The following VWA3A variants were observed in gnomAD, a reference collection of about 807,000 sequenced individuals.
VWA3A encodes the protein von Willebrand factor A domain-containing protein 3A.
Under a neutral mutation model 160.4 loss-of-function variants are expected in VWA3A, and 134 were observed. The ratio of observed to expected loss-of-function variants is 0.84; its 90% CI spans 0.73 to 0.96. VWA3A has a LOEUF of 0.96. VWA3A is among the 40% of genes least tolerant of loss of function. The probability of loss-of-function intolerance (pLI) is 0.00; values close to 1 mark genes in which losing one functional copy is unlikely to be tolerated. For missense variants in VWA3A, 1,310 were observed against 1,447.9 expected, an observed-to-expected ratio of 0.90 and a Z score of 1.55; for synonymous variants, 476 against 543.4, an observed-to-expected ratio of 0.88 and a Z score of 1.72.
intron 31 of VWA3A, among the ~76,000 whole-genome samples, chr16:22,153,318 G>C (rs1230399588): frequency 1.3e-5 from 2 of 152,224 alleles, no homozygotes; most frequent in Non-Finnish European, 2.9e-5. Context: ...ACTTCAGCCT[G>C]AGTGTCAGAG....
chr16:22,150,618 CT>C, intron 29 of VWA3A, 76 bp from the exon 30 acceptor site: 1 of 1,490,370 alleles, frequency 6.7e-7, no homozygotes, highest in South Asian at 1.4e-5. Context: ...GCAGCAGGCA[CT>C]ACCTTTAGGC....
intron 9 of VWA3A, among the ~76,000 whole-genome samples, chr16:22,115,848 A>G (rs1475574890): frequency 5.8e-4 from 2 of 3,422 alleles, no homozygotes; most frequent in Non-Finnish European, 1.0e-3. Context: ...GAAGGAAGGA[A>G]GGAAGGAAGG....
At position 22,146,345 on chromosome 16, in the gene VWA3A, G is replaced by A; in HGVS notation, c.2839+1G>A. On this transcript the variant is annotated splice_donor_variant, in intron 27 of 33. Coordinates refer to ENST00000389398, the MANE Select transcript of VWA3A (RefSeq NM_173615.5). LOFTEE classifies it high-confidence loss of function. ...CAGAGGCTGCAGTGGCTGCTGTCCG[G>A]TGAGCCTGCCCACTGCCCTGAAGGG... is the stretch of plus-strand genomic sequence containing the variant. 1 of 1,611,976 alleles carries A rather than the reference G, an allele frequency of 6.2e-7. No homozygotes were observed. The highest frequency in any genetic ancestry group is 1.7e-4 in the Middle Eastern group (1 of 5,990).
intron 16 of VWA3A, among the ~76,000 whole-genome samples, chr16:22,124,154 G>A (rs1022158080): frequency 6.3e-5 from 9 of 141,896 alleles, no homozygotes; most frequent in African/African-American, 1.1e-4. Flanking sequence ...GTACTCAAGC[G>A]TGGGCAACAG....
intron 6 of VWA3A, 87 bp from the exon 7 acceptor site, chr16:22,109,391 GTGTT>G: frequency 1.9e-6 from 2 of 1,064,502 alleles, no homozygotes; most frequent in Non-Finnish European, 2.8e-6. Flanking sequence ...GGTGAGGAAA[GTGTT>G]TGCATCACTG....
In VWA3A at chr16:22,113,608, T is replaced by C. The variant is rs368606041; in HGVS notation, c.690-1739T>C. On this transcript the variant is annotated intron_variant, in intron 8 of 33. Transcript: ENST00000389398. The stretch of plus-strand genomic sequence containing the variant: ...ACTTTTTTGTTTGTTTGTTGTTTTT[T>C]GTTTTTTTGAGACAAGGTCTTGCTC... Among the ~76,000 whole-genome samples, 37 of 151,972 alleles carry C rather than the reference T, an allele frequency of 2.4e-4. No homozygotes were observed. The East Asian group carries it at 4.3e-3, about 17-fold the overall frequency.
intron 11 of VWA3A, 111 bp downstream of exon 11, chr16:22,117,287 C>G (rs2045665291): frequency 2.6e-6 from 3 of 1,146,522 alleles, no homozygotes; most frequent in Non-Finnish European, 3.7e-6. Flanking sequence ...TTCTCCTTTT[C>G]TCCTTGTCCC....
At position 22,123,579 on chromosome 16, in the gene VWA3A, G is replaced by T. The variant is rs750161659; in HGVS notation, c.1438-34G>T. On this transcript the variant is annotated intron_variant, in intron 15 of 33. Coordinates refer to ENST00000389398, the MANE Select transcript of VWA3A (RefSeq NM_173615.5). Reference sequence around the variant, plus strand: ...CAGGCCCCTTGGTTGCTCAGCCTTTGAGCAGCCGCTCACTGTGGCCCACAC... The same window carrying T: ...CAGGCCCCTTGGTTGCTCAGCCTTTTAGCAGCCGCTCACTGTGGCCCACAC... 6.2e-6 allele frequency: 10 copies of T among 1,613,734 alleles called. No homozygotes were observed. In the South Asian group the frequency reaches 9.9e-5, roughly 16 times the overall value.
Position 22,096,839 on chromosome 16 carries a change from GGT to G in VWA3A, c.15-19_15-18del, listed in dbSNP as rs763478100. On this transcript the variant is annotated intron_variant, in intron 1 of 33. Transcript: ENST00000389398. Reference sequence around the variant, plus strand: ...GTATGCCACATTTATCCTGTTTTCTGGTATTCTTTTCTTCTTTAGGAAAATAA... The same window carrying G: ...GTATGCCACATTTATCCTGTTTTCTGATTCTTTTCTTCTTTAGGAAAATAA... 6.8e-7 allele frequency: 1 copy of G among 1,465,082 alleles called. No homozygotes were observed. Among genetic ancestry groups the G allele is most frequent in the Non-Finnish European group, 9.4e-7 (1 of 1,069,048 alleles). 90.8% of individuals were successfully genotyped at this position (1,465,082 alleles called of 1,614,324 possible). A position where few individuals can be genotyped will look rare whatever the true frequency, so the allele number is the denominator to read the frequency against.
At chr16:22,150,554 C>T in intron 29 of VWA3A, 141 bp from the exon 30 acceptor site, 1 of 1,002,470 alleles carries the variant, frequency 1.0e-6, no homozygotes, top group Non-Finnish European at 1.4e-6. Context: ...AAGAGAATCT[C>T]AGTCTTTTTG....
intron 7 of VWA3A, 46 bp downstream of exon 7, chr16:22,109,626 C>T (rs777928480): frequency 1.3e-6 from 2 of 1,525,536 alleles, no homozygotes; most frequent in Non-Finnish European, 1.8e-6. Context: ...ACCCACTACC[C>T]CCAGCCTTTC....
In VWA3A at chr16:22,131,691, A is replaced by G. The variant is rs1424373924; in HGVS notation, c.1834A>G (p.Ile612Val). 1 of 1,613,980 alleles carries G rather than the reference A, an allele frequency of 6.2e-7. No homozygotes were observed. The highest frequency in any genetic ancestry group is 2.2e-5 in the East Asian group (1 of 44,872). The part of the protein sequence containing the change: ...KDKDKHQSQG[I>V]YLFTGGIPDQ... The stretch of plus-strand genomic sequence containing the variant: ...CAAAGACAAACACCAATCGCAGGGA[A>G]TCTACCTCTTCACTGGGGGCATCCC... Residue 612 changes from isoleucine to valine, a missense_variant, in exon 19 of 34, where the codon ATC becomes GTC. Physicochemically the swap from Ile to Val is conservative, Grantham distance 29. Coordinates refer to ENST00000389398, the MANE Select transcript of VWA3A (RefSeq NM_173615.5).
rs569110678 is a variant in VWA3A, at chr16:22,109,647, T to C, written c.582+67T>C. 4.3e-6 allele frequency: 6 copies of C among 1,410,442 alleles called. No individual in the cohort carries two copies. The African/African-American group carries it at 7.1e-5, about 17-fold the overall frequency. The allele number at this position is 1,410,442 out of a possible 1,614,324, so 87.4% of individuals were successfully genotyped here. On this transcript the variant is annotated intron_variant, in intron 7 of 33. Coordinates refer to ENST00000389398, the MANE Select transcript of VWA3A (RefSeq NM_173615.5). ...TACCCCCAGCCTTTCCTTCCTGAGC[T>C]TGCTGACGAGCTTGTTTATAGCAAA...
chr16:22,151,614 A>G (rs1567228484), intron 30 of VWA3A, among the ~76,000 whole-genome samples: 3 of 152,030 alleles, frequency 2.0e-5, no homozygotes, highest in Non-Finnish European at 4.4e-5. Context: ...GCTCATGCCT[A>G]TAATCCCAGT....
intron 6 of VWA3A, among the ~76,000 whole-genome samples, chr16:22,106,247 T>A (rs1231188060): frequency 6.6e-6 from 1 of 151,690 alleles, no homozygotes; most frequent in Non-Finnish European, 1.5e-5. Flanking sequence ...TAGCCAGGCG[T>A]GGTGATGGGC....
chr16:22,151,691 G>C (rs1249588429), intron 30 of VWA3A, among the ~76,000 whole-genome samples: 1 of 151,810 alleles, frequency 6.6e-6, no homozygotes, highest in Non-Finnish European at 1.5e-5. Context: ...GGATATCATA[G>C]CAAGATTCCA....
chr16:22,103,529 G>T lies in VWA3A; in HGVS notation c.483G>T (p.Lys161Asn). 7 of 1,551,676 alleles carry T rather than the reference G, an allele frequency of 4.5e-6. No homozygotes were observed. Among genetic ancestry groups the T allele is most frequent in the Non-Finnish European group, 6.1e-6 (7 of 1,146,958 alleles). Residue 161 changes from lysine to asparagine, a missense_variant and splice_region_variant, in exon 6 of 34, where the codon AAG becomes AAT. By Grantham distance (94) the Lys-to-Asn change is moderately conservative. Coordinates refer to ENST00000389398, the MANE Select transcript of VWA3A (RefSeq NM_173615.5). ...RIQWLTENSK[K>N]AFGLIKGARV... ...AGTGGCTCACAGAAAACAGCAAGAAGGTAACGGGCATAGATTTCATTCTTT... is the reference window on the plus strand; with the variant it reads ...AGTGGCTCACAGAAAACAGCAAGAATGTAACGGGCATAGATTTCATTCTTT...
intron 8 of VWA3A, among the ~76,000 whole-genome samples, chr16:22,111,574 C>T (rs1178485592): frequency 2.0e-5 from 3 of 152,042 alleles, no homozygotes; most frequent in African/African-American, 4.8e-5. Flanking sequence ...CTCCACCCCA[C>T]GGGTTCAGGT....
intron 9 of VWA3A, 133 bp downstream of exon 9, chr16:22,115,605 G>T: frequency 9.6e-7 from 1 of 1,039,028 alleles, no homozygotes; most frequent in African/African-American, 1.6e-5. Context: ...GCCGAGACAG[G>T]AGGATTGCTC....
Sources: gnomAD v4.1 joint callset for allele counts (sites outside exome capture counted in the v4.1 genomes callset) on GRCh38, gnomAD v4.1.1 for gene constraint, MANE v1.5 for transcripts, NCBI Gene and HGNC (gene_info 2026-07-23, HGNC 2026-07-21) for gene names.